Variants in COL26A1 observed in about 807,000 individuals in gnomAD.
COL26A1 encodes collagen alpha-1(XXVI) chain.
In COL26A1, 41 loss-of-function variants were observed where a neutral mutation model predicts 59.3. The ratio of observed to expected loss-of-function variants is 0.69; its 90% CI spans 0.54 to 0.90. The LOEUF (loss-of-function observed/expected upper bound fraction) is 0.90, where lower values mean the gene tolerates loss of function less well. Among genes scored for constraint, COL26A1 ranks in the 40% least tolerant of loss-of-function variants. The probability of loss-of-function intolerance (pLI) is 0.00; values close to 1 mark genes in which losing one functional copy is unlikely to be tolerated. For synonymous variants in COL26A1, 266 were observed against 256.0 expected (o/e 1.04, Z -0.37); for missense variants, 612 against 602.3 (o/e 1.02, Z -0.17).
intron 3 of COL26A1, among the ~76,000 whole-genome samples, chr7:101,494,127 C>CGTTTTATTTTGTTTT (rs71106542): frequency 1.7e-4 from 26 of 151,512 alleles, no homozygotes; most frequent in South Asian, 6.3e-4. Flanking sequence ...ATTGCATTGT[C>CGTTTTATTTTGTTTT]GTTTTGTTTT....
chr7:101,553,295 T>A (rs1309214986), intron 10 of COL26A1, 31 bp from the exon 11 acceptor site: 1 of 1,609,930 alleles, frequency 6.2e-7, no homozygotes, highest in Non-Finnish European at 8.5e-7. Context: ...CACCTCCCGT[T>A]CCAGTGTTGA....
At chr7:101,502,638 G>T (rs1267673946) in intron 3 of COL26A1, among the ~76,000 whole-genome samples, 1 of 109,072 alleles carries the variant, frequency 9.2e-6, no homozygotes, top group African/African-American at 8.3e-5. Flanking sequence ...CCCACTGTCA[G>T]GGGGGACCCA....
intron 3 of COL26A1, among the ~76,000 whole-genome samples, chr7:101,477,287 G>A (rs774139067): frequency 1.3e-5 from 2 of 152,170 alleles, no homozygotes; most frequent in Non-Finnish European, 2.9e-5. Context: ...TGGGATATGC[G>A]TGCTGTGTGT....
At chr7:101,383,722 A>G (rs575671815) in intron 1 of COL26A1, among the ~76,000 whole-genome samples, 2 of 152,142 alleles carry the variant, frequency 1.3e-5, no homozygotes, top group Admixed American at 6.6e-5. Flanking sequence ...TTTAGTAGAG[A>G]CAGGGTTTCG....
chr7:101,503,254 C>T (rs1014090243), intron 3 of COL26A1, among the ~76,000 whole-genome samples: 4 of 152,170 alleles, frequency 2.6e-5, no homozygotes, highest in Non-Finnish European at 4.4e-5. Context: ...TCACCACCTC[C>T]TGGTTTGTAT....
Position 101,466,795 on chromosome 7 carries a change from GGTGTGT to G in COL26A1, c.385+19046_385+19051del, listed in dbSNP as rs59942660. ...GAATGCTAAGACCCCGGCATGTTCT[GGTGTGT>G]GTGTGTGTGTGTGTGTGTGTGTGTG... On this transcript the variant is annotated intron_variant, in intron 3 of 12. Transcript: ENST00000313669. 2.2e-3 allele frequency among the ~76,000 whole-genome samples: 276 copies of G among 125,238 alleles called. 1 individual carries two copies. The highest frequency in any genetic ancestry group is 7.0e-3 in the African/African-American group (227 of 32,452). The allele number at this position is 125,238 out of a possible 152,430, so 82.2% of individuals were successfully genotyped here.
At chr7:101,373,527 A>ATGAG (rs57526465) in intron 1 of COL26A1, among the ~76,000 whole-genome samples, 1 of 30,074 alleles carries the variant, frequency 3.3e-5, no homozygotes, top group Non-Finnish European at 5.8e-5. Flanking sequence ...GAATGAACAC[A>ATGAG]TGAATGAATG....
intron 7 of COL26A1, 121 bp from the exon 8 acceptor site, chr7:101,547,035 T>A: frequency 1.6e-6 from 1 of 624,470 alleles, no homozygotes; most frequent in Non-Finnish European, 2.8e-6. Flanking sequence ...GGCCCCAGGG[T>A]GATGGGAGGA....
intron 1 of COL26A1, among the ~76,000 whole-genome samples, chr7:101,387,626 T>TCTCG (rs200415320): frequency 1.5e-3 from 208 of 135,554 alleles, no homozygotes; most frequent in African/African-American, 5.7e-3. Context: ...GCATTCTCTC[T>TCTCG]CTCGCTCTCT....
At position 101,551,097 on chromosome 7, in the gene COL26A1, G is replaced by T; in HGVS notation, c.994-11G>T. 1.3e-6 allele frequency: 2 copies of T among 1,555,464 alleles called. No homozygotes were observed. Among genetic ancestry groups the T allele is most frequent in the Non-Finnish European group, 1.7e-6 (2 of 1,149,254 alleles). On this transcript the variant is annotated splice_polypyrimidine_tract_variant and intron_variant, in intron 9 of 12. Transcript: ENST00000313669. ...CGGCAGGCCTCACACGCTTCCTTTG[G>T]TTTTCTGCAGGGCCTGGCTGGAGAG...
intron 3 of COL26A1, among the ~76,000 whole-genome samples, chr7:101,515,194 C>A (rs1384776915): frequency 5.3e-5 from 8 of 152,206 alleles, no homozygotes; most frequent in African/African-American, 1.9e-4. Context: ...AGTCTTCTGT[C>A]TCCTTCTTGG....
At chr7:101,429,133 A>G (rs1320263130) in intron 2 of COL26A1, among the ~76,000 whole-genome samples, 1 of 152,030 alleles carries the variant, frequency 6.6e-6, no homozygotes, top group East Asian at 1.9e-4. Flanking sequence ...CATGTTAGCC[A>G]GGCTGGTCTC....
intron 3 of COL26A1, among the ~76,000 whole-genome samples, chr7:101,506,275 G>A (rs1375875844): frequency 5.3e-5 from 8 of 152,254 alleles, no homozygotes; most frequent in African/African-American, 1.9e-4. Context: ...CATATTGCAA[G>A]CACATGTTTT....
intron 9 of COL26A1, among the ~76,000 whole-genome samples, chr7:101,550,651 C>T (rs1458742287): frequency 7.9e-5 from 12 of 151,954 alleles, no homozygotes; most frequent in East Asian, 5.8e-4. Flanking sequence ...TGGGGGGCAC[C>T]AGGAGTTCCC....
chr7:101,451,072 CAT>C (rs1328223686), intron 3 of COL26A1, among the ~76,000 whole-genome samples: 1 of 139,224 alleles, frequency 7.2e-6, no homozygotes, highest in East Asian at 2.1e-4. Flanking sequence ...ATTCCAGTAA[CAT>C]ATAATATATA....
chr7:101,428,359 A>T (rs1489330365), intron 2 of COL26A1, among the ~76,000 whole-genome samples: 1 of 2,516 alleles, frequency 4.0e-4, no homozygotes, highest in Non-Finnish European at 1.3e-3. Flanking sequence ...CCCTGTCTCA[A>T]AAAAAAAAAA....
intron 1 of COL26A1, among the ~76,000 whole-genome samples, chr7:101,390,884 G>T (rs1405548330): frequency 6.6e-6 from 1 of 152,174 alleles, no homozygotes; most frequent in Non-Finnish European, 1.5e-5. Flanking sequence ...GTGTGGGGAG[G>T]GGGCCTTGCC....
chr7:101,535,647 C>T (rs1795465680), intron 4 of COL26A1, among the ~76,000 whole-genome samples: 1 of 152,122 alleles, frequency 6.6e-6, no homozygotes, highest in African/African-American at 2.4e-5. Flanking sequence ...CTGTGTGCCT[C>T]GAGGGCTGGA....
chr7:101,487,068 A>G (rs1054545717), intron 3 of COL26A1, among the ~76,000 whole-genome samples: 1 of 152,178 alleles, frequency 6.6e-6, no homozygotes, highest in African/African-American at 2.4e-5. Context: ...TGGTGGAGAC[A>G]GACAGGGAAG....
Sources: allele counts gnomAD v4.1 joint callset (sites outside exome capture counted in the v4.1 genomes callset), GRCh38; gene constraint gnomAD v4.1.1; transcripts MANE v1.5; gene names NCBI Gene and HGNC (gene_info 2026-07-23, HGNC 2026-07-21).